Variants in ERO1A observed in about 807,000 individuals in gnomAD.
ERO1A encodes ERO1-like protein alpha.
ERO1A carries 49 observed loss-of-function variants against 76.9 expected under a neutral mutation model. The observed-to-expected ratio is 0.64, with a 90% confidence interval of 0.51 to 0.81. The LOEUF (loss-of-function observed/expected upper bound fraction) is 0.81. Among genes scored for constraint, ERO1A ranks in the 30% least tolerant of loss-of-function variants. The pLI is 0.00. For missense variants in ERO1A, 448 were observed against 542.1 expected (o/e 0.83, Z 1.72); for synonymous variants, 174 against 181.2 (o/e 0.96, Z 0.32).
At position 52,695,490 on chromosome 14, in the gene ERO1A, CG is replaced by C; in HGVS notation, c.-10del. 1 of 1,491,170 alleles carries C rather than the reference CG, an allele frequency of 6.7e-7. No homozygotes were observed. Among genetic ancestry groups the C allele is most frequent in the East Asian group, 2.8e-5 (1 of 36,230 alleles). 92.4% of individuals were successfully genotyped at this position (1,491,170 alleles called of 1,614,324 possible). A position where few individuals can be genotyped will look rare whatever the true frequency, so the allele number is the denominator to read the frequency against. ...CCCCAGCCGCGGCCCATTGCAGCTCCGGCAGCTTGTCGCCCCACGCTTGGGA... is the reference window on the plus strand; with the variant it reads ...CCCCAGCCGCGGCCCATTGCAGCTCCGCAGCTTGTCGCCCCACGCTTGGGA... On this transcript the variant is annotated 5_prime_UTR_variant, in exon 1 of 16. Coordinates refer to ENST00000395686, the MANE Select transcript of ERO1A (RefSeq NM_014584.3).
intron 1 of ERO1A, 63 bp downstream of exon 1, chr14:52,695,305 T>C: frequency 8.7e-7 from 1 of 1,143,256 alleles, no homozygotes; most frequent in Non-Finnish European, 1.1e-6. Flanking sequence ...CGCCAGGGCG[T>C]GCGGGACAGT....
chr14:52,694,454 G>C (rs2041474917), intron 1 of ERO1A, among the ~76,000 whole-genome samples: 1 of 152,002 alleles, frequency 6.6e-6, no homozygotes, highest in Non-Finnish European at 1.5e-5. Context: ...ATGGTATCAT[G>C]CCCCTAAACA....
intron 3 of ERO1A, among the ~76,000 whole-genome samples, chr14:52,678,992 T>C (rs1166871867): frequency 6.6e-6 from 1 of 152,194 alleles, no homozygotes; most frequent in Non-Finnish European, 1.5e-5. Context: ...AGTTCTATTA[T>C]CTAGAACAAA....
chr14:52,659,099 C>T (rs987327018), intron 9 of ERO1A, among the ~76,000 whole-genome samples: 1 of 152,040 alleles, frequency 6.6e-6, no homozygotes, highest in African/African-American at 2.4e-5. Context: ...AAACAACAAA[C>T]TCAGTAAAAT....
At chr14:52,685,268 TC>T (rs1407226390) in intron 1 of ERO1A, among the ~76,000 whole-genome samples, 4 of 152,202 alleles carry the variant, frequency 2.6e-5, no homozygotes, top group African/African-American at 9.7e-5. Flanking sequence ...TTACTGCTTT[TC>T]CCACTCTTAC....
At chr14:52,676,878 A>G (rs2139737877) in intron 4 of ERO1A, among the ~76,000 whole-genome samples, 1 of 150,432 alleles carries the variant, frequency 6.6e-6, no homozygotes, top group South Asian at 2.1e-4. Context: ...TCTACCCCAA[A>G]AAAAAAAAAA....
rs148868648 is a variant in ERO1A, at chr14:52,666,737, C to T, written c.509-242G>A. Among the ~76,000 whole-genome samples, 400 of 152,304 alleles carry T rather than the reference C, an allele frequency of 2.6e-3. 2 individuals are homozygous for T. Among genetic ancestry groups the T allele is most frequent in the African/African-American group, 9.3e-3 (385 of 41,568 alleles). The stretch of plus-strand genomic sequence containing the variant: ...CTTGAGGTCAGGAGTTCGAATCCAG[C>T]CTGGCCAACATAGTGAAACCCTGTC... On this transcript the variant is annotated intron_variant, in intron 6 of 15. Transcript: ENST00000395686.
At chr14:52,690,631 G>T (rs1421319128) in intron 1 of ERO1A, among the ~76,000 whole-genome samples, 2 of 152,000 alleles carry the variant, frequency 1.3e-5, no homozygotes, top group Non-Finnish European at 2.9e-5. Context: ...AACCCAGGAG[G>T]CAGAGTTTGC....
At chr14:52,661,328 A>G (rs766699974) in intron 8 of ERO1A, 24 bp from the exon 9 acceptor site, 1 of 1,414,280 alleles carries the variant, frequency 7.1e-7, no homozygotes, top group Non-Finnish European at 9.4e-7. Context: ...CAAAATGTTT[A>G]TTAAAATAAA....
At chr14:52,656,799 G>A (rs1486833214) in intron 11 of ERO1A, among the ~76,000 whole-genome samples, 4 of 151,958 alleles carry the variant, frequency 2.6e-5, no homozygotes, top group African/African-American at 7.3e-5. Context: ...AGTAGCTCAC[G>A]GCTATAATCC....
In ERO1A at chr14:52,653,232, G is replaced by C. The variant is rs1459804013; in HGVS notation, c.892C>G (p.Pro298Ala). 1 of 1,612,594 alleles carries C rather than the reference G, an allele frequency of 6.2e-7. No individual in the cohort carries two copies. The highest frequency in any genetic ancestry group is 1.1e-5 in the South Asian group (1 of 90,926). The change falls in exon 12 of 16, where the codon CCA (proline) becomes GCA (alanine). Residue 298 changes from proline (P) to alanine (A), a missense_variant. Pro to Ala is a conservative substitution (Grantham distance 27). Coordinates refer to ENST00000395686, the MANE Select transcript of ERO1A (RefSeq NM_014584.3). ...AAATACAAGTTCTTAAGCCTTCTTG[G>C]ACCTTCTCCTTCAGTCAAAATTCCA... ...FDGILTEGEG[P>A]RRLKNLYFLY...
intron 6 of ERO1A, among the ~76,000 whole-genome samples, chr14:52,668,205 C>T (rs1338588239): frequency 6.6e-6 from 1 of 152,138 alleles, no homozygotes; most frequent in African/African-American, 2.4e-5. Context: ...GCAAGTGCCA[C>T]ATATAAATTA....
At chr14:52,664,695 T>A (rs2040343579) in intron 7 of ERO1A, among the ~76,000 whole-genome samples, 1 of 151,798 alleles carries the variant, frequency 6.6e-6, no homozygotes, top group African/African-American at 2.4e-5. Flanking sequence ...TGAGACAGAG[T>A]CATTCTTTTT....
intron 8 of ERO1A, among the ~76,000 whole-genome samples, 199 bp downstream of exon 8, chr14:52,663,599 CAAA>C (rs771884796): frequency 9.2e-6 from 1 of 108,384 alleles, no homozygotes. Flanking sequence ...GACTCCATCT[CAAA>C]AAAAAAAAAA....
At chr14:52,680,814 C>A (rs533330265) in intron 3 of ERO1A, among the ~76,000 whole-genome samples, 8 of 152,228 alleles carry the variant, frequency 5.3e-5, no homozygotes, top group Admixed American at 5.2e-4. Flanking sequence ...TAACAAAAAA[C>A]ATGCTTCTCA....
At chr14:52,676,398 G>A (rs1189515230) in intron 4 of ERO1A, among the ~76,000 whole-genome samples, 1 of 152,132 alleles carries the variant, frequency 6.6e-6, no homozygotes, top group East Asian at 1.9e-4. Context: ...CCATTAACTA[G>A]TCAAAAGGCA....
intron 12 of ERO1A, 129 bp downstream of exon 12, chr14:52,652,940 A>G (rs1027484489): frequency 1.1e-4 from 66 of 620,246 alleles, no homozygotes; most frequent in Middle Eastern, 4.6e-4. Flanking sequence ...GGCTGCAGTG[A>G]GCCATGACCG....
At chr14:52,679,415 A>G (rs544375614) in intron 3 of ERO1A, among the ~76,000 whole-genome samples, 7 of 138,570 alleles carry the variant, frequency 5.1e-5, no homozygotes, top group Admixed American at 1.4e-4. Context: ...ATACCTTCCA[A>G]TGATTTTTTT....
chr14:52,672,776 C>CAAAAA (rs1226719026), intron 4 of ERO1A, among the ~76,000 whole-genome samples: 25 of 60,964 alleles, frequency 4.1e-4, no homozygotes, highest in East Asian at 9.4e-4. Context: ...TGTCTCTGAC[C>CAAAAA]AAAAAAAAAA....
Sources: allele counts gnomAD v4.1 joint callset (sites outside exome capture counted in the v4.1 genomes callset), GRCh38; gene constraint gnomAD v4.1.1; transcripts MANE v1.5; gene names NCBI Gene and HGNC (gene_info 2026-07-23, HGNC 2026-07-21).